The following KCNK2 variants were observed in gnomAD, a reference collection of about 807,000 sequenced individuals.
The protein encoded by KCNK2 is potassium channel subfamily K member 2.
In KCNK2, 21 loss-of-function variants were observed where a neutral mutation model predicts 40.5. That is an observed-to-expected ratio of 0.52 (90% confidence interval 0.37 to 0.75). The LOEUF (loss-of-function observed/expected upper bound fraction) is 0.75, where lower values mean the gene tolerates loss of function less well. KCNK2 is among the 30% of genes least tolerant of loss of function. The pLI is 0.00. For missense variants in KCNK2, 399 were observed against 531.6 expected (o/e 0.75, Z 2.45); for synonymous variants, 191 against 202.2 (o/e 0.94, Z 0.47).
intron 2 of KCNK2, among the ~76,000 whole-genome samples, chr1:215,087,777 C>T (rs1659511342): frequency 6.6e-6 from 1 of 152,140 alleles, no homozygotes; most frequent in South Asian, 2.1e-4. Context: ...TGGCTTTAAT[C>T]CTGCTTTTTG....
chr1:215,155,811 G>T (rs564614435), intron 3 of KCNK2, among the ~76,000 whole-genome samples: 7 of 152,040 alleles, frequency 4.6e-5, no homozygotes, highest in Admixed American at 4.6e-4. Flanking sequence ...GAACCACCAC[G>T]CCAGGCCGAG....
At chr1:215,221,339 A>G (rs1201560064) in intron 6 of KCNK2, among the ~76,000 whole-genome samples, 3 of 152,194 alleles carry the variant, frequency 2.0e-5, no homozygotes, top group Non-Finnish European at 2.9e-5. Flanking sequence ...GCGCCACTAC[A>G]CTCCAGCCTG....
intron 1 of KCNK2, among the ~76,000 whole-genome samples, chr1:215,017,837 T>C (rs1379850353): frequency 6.6e-6 from 1 of 152,180 alleles, no homozygotes; most frequent in African/African-American, 2.4e-5. Context: ...CATATATGTA[T>C]AATTTTTACT....
chr1:215,128,434 G>GA (rs1338715183), intron 3 of KCNK2, among the ~76,000 whole-genome samples: 1 of 152,188 alleles, frequency 6.6e-6, no homozygotes, highest in Non-Finnish European at 1.5e-5. Flanking sequence ...GAGTACAAAG[G>GA]AAGTAAGGAC....
chr1:215,182,491 G>C (rs546289344), intron 5 of KCNK2, among the ~76,000 whole-genome samples: 1 of 152,264 alleles, frequency 6.6e-6, no homozygotes, highest in African/African-American at 2.4e-5. Flanking sequence ...TGGGCACTCA[G>C]TAACGACACA....
chr1:215,049,617 C>T (rs927642199), intron 1 of KCNK2, among the ~76,000 whole-genome samples: 6 of 152,260 alleles, frequency 3.9e-5, no homozygotes, highest in Admixed American at 3.3e-4. Flanking sequence ...AAAAGTTTTA[C>T]ACCTCTACAT....
intron 5 of KCNK2, among the ~76,000 whole-genome samples, chr1:215,183,683 T>C (rs1226259874): frequency 1.3e-5 from 2 of 152,194 alleles, no homozygotes; most frequent in Non-Finnish European, 2.9e-5. Context: ...ATCTAAACCA[T>C]TCTCTTAAAA....
intron 3 of KCNK2, among the ~76,000 whole-genome samples, chr1:215,153,993 A>G (rs1662800208): frequency 6.6e-6 from 1 of 152,148 alleles, no homozygotes; most frequent in Admixed American, 6.5e-5. Flanking sequence ...CCAGTCTATC[A>G]TTGATGGGCA....
intron 1 of KCNK2, among the ~76,000 whole-genome samples, chr1:215,027,493 A>G (rs1657039879): frequency 6.6e-6 from 1 of 152,204 alleles, no homozygotes; most frequent in Admixed American, 6.5e-5. Context: ...ATGTGATCAT[A>G]TGAGATATTC....
In KCNK2 at chr1:215,220,400, G is replaced by A. The variant is rs78560190; in HGVS notation, c.964-14428G>A. ...AGGGACACCCTCTCCACCCTGCTTG[G>A]TTTCTGACACTATGTGCTGGGCCTC... On this transcript the variant is annotated intron_variant, in intron 6 of 6. Coordinates refer to ENST00000444842, the MANE Select transcript of KCNK2 (RefSeq NM_001017425.3). Among the ~76,000 whole-genome samples the A allele has an allele frequency of 5.9e-3, 896 of 152,242 alleles. 20 individuals carry two copies. In the South Asian group the frequency reaches 0.064, roughly 11 times the overall value.
intron 6 of KCNK2, among the ~76,000 whole-genome samples, chr1:215,219,323 G>A (rs1666079987): frequency 6.6e-6 from 1 of 152,184 alleles, no homozygotes; most frequent in Non-Finnish European, 1.5e-5. Context: ...ATATTTTGAA[G>A]ATCCAATCCT....
intron 2 of KCNK2, among the ~76,000 whole-genome samples, chr1:215,112,813 C>T (rs950837692): frequency 6.6e-6 from 1 of 152,092 alleles, no homozygotes; most frequent in East Asian, 1.9e-4. Flanking sequence ...ATAGGCTATA[C>T]CATATAGCCT....
intron 2 of KCNK2, among the ~76,000 whole-genome samples, chr1:215,091,237 C>A (rs564738099): frequency 6.6e-6 from 1 of 152,182 alleles, no homozygotes; most frequent in South Asian, 2.1e-4. Flanking sequence ...ACATTCTAAG[C>A]AGAATGGGCA....
intron 1 of KCNK2, among the ~76,000 whole-genome samples, chr1:215,037,140 C>T (rs181771624): frequency 6.6e-6 from 1 of 151,222 alleles, no homozygotes; most frequent in Non-Finnish European, 1.5e-5. Context: ...ATTAAATGTG[C>T]TACGAGCCAT....
intron 1 of KCNK2, among the ~76,000 whole-genome samples, chr1:215,064,782 G>A (rs998499756): frequency 6.6e-6 from 1 of 152,108 alleles, no homozygotes; most frequent in Non-Finnish European, 1.5e-5. Context: ...GTATTGACAT[G>A]TCCACTCTGA....
Position 215,083,405 on chromosome 1 carries a change from G to A in KCNK2, c.20G>A (p.Arg7Gln), listed in dbSNP as rs1309262534. 3 of 1,613,888 alleles carry A rather than the reference G, an allele frequency of 1.9e-6. No homozygotes were observed. Among genetic ancestry groups the A allele is most frequent in the Admixed American group, 1.7e-5 (1 of 60,002 alleles). The change falls in exon 1 of 7, where the codon CGG becomes CAG. Residue 7 changes from arginine to glutamine, a missense_variant. Transcript: ENST00000444842. The stretch of plus-strand genomic sequence containing the variant: ...TGCCTCATGCTTCCCAGCGCCTCGC[G>A]GGAGAGACCCGGCTATAGAGCAGGA... The part of the protein sequence containing the change: MLPSAS[R>Q]ERPGYRAGVA...
chr1:215,165,446 T>C (rs1313062568), intron 3 of KCNK2, among the ~76,000 whole-genome samples: 4 of 152,164 alleles, frequency 2.6e-5, no homozygotes, highest in Non-Finnish European at 5.9e-5. Context: ...AAGAACAATG[T>C]GTAATCATGA....
chr1:215,109,459 A>G (rs1312666290), intron 2 of KCNK2, among the ~76,000 whole-genome samples: 1 of 151,876 alleles, frequency 6.6e-6, no homozygotes, highest in Non-Finnish European at 1.5e-5. Flanking sequence ...AACATGTGAG[A>G]TTTATATTTC....
At chr1:215,142,996 G>T (rs190890444) in intron 3 of KCNK2, among the ~76,000 whole-genome samples, 1 of 152,170 alleles carries the variant, frequency 6.6e-6, no homozygotes, top group African/African-American at 2.4e-5. Flanking sequence ...GCAAGGGTGG[G>T]CCTTCTCATA....
Sources: allele counts gnomAD v4.1 joint callset (sites outside exome capture counted in the v4.1 genomes callset), GRCh38; gene constraint gnomAD v4.1.1; transcripts MANE v1.5; gene names NCBI Gene and HGNC (gene_info 2026-07-23, HGNC 2026-07-21).